Variants in DIP2C observed in about 807,000 individuals in gnomAD.
DIP2C encodes DIP2 acetate--CoA ligase C (putative), also known as disco-interacting protein 2 homolog C.
Under a neutral mutation model 192.4 loss-of-function variants are expected in DIP2C, and 33 were observed. That is an observed-to-expected ratio of 0.17 (90% confidence interval 0.13 to 0.23). The LOEUF is 0.23. Ranked by LOEUF, DIP2C falls within the 10% of genes least tolerant of loss-of-function variation. DIP2C has a pLI of 1.00. For synonymous variants in DIP2C, 979 were observed against 864.1 expected (o/e 1.13, Z -2.33); for missense variants, 1,537 against 2,110.1 (o/e 0.73, Z 5.32).
chr10:584,429 C>A (rs191691231), intron 1 of DIP2C, among the ~76,000 whole-genome samples: 300 of 150,888 alleles, frequency 2.0e-3, no homozygotes, highest in African/African-American at 6.8e-3. Context: ...GGGCCCACAA[C>A]CTGACCCCCA....
rs1954502166 is a variant in DIP2C at position 276,115 on chromosome 10, C to T, written c.*1210G>A. On this transcript the variant is annotated 3_prime_UTR_variant, in exon 37 of 37. Coordinates refer to ENST00000280886, the MANE Select transcript of DIP2C (RefSeq NM_014974.3). Reference sequence around the variant, plus strand: ...TGACATTAACAAAAATGATGAAAAACATTGTGCAATGAATTCTTGCAGCTA... The same window carrying T: ...TGACATTAACAAAAATGATGAAAAATATTGTGCAATGAATTCTTGCAGCTA... 6.6e-6 allele frequency: 1 copy of T among 152,668 alleles called. No homozygotes were observed. The highest frequency in any genetic ancestry group is 2.1e-4 in the South Asian group (1 of 4,828). 9.5% of individuals were successfully genotyped at this position (152,668 alleles called of 1,614,324 possible). A position where few individuals can be genotyped will look rare whatever the true frequency, so the allele number is the denominator to read the frequency against.
chr10:644,719 C>G (rs576621604), intron 1 of DIP2C, among the ~76,000 whole-genome samples: 16 of 152,358 alleles, frequency 1.1e-4, no homozygotes, highest in African/African-American at 3.8e-4. Flanking sequence ...TGGGCTCTGC[C>G]CAATGCCCCC....
intron 16 of DIP2C, among the ~76,000 whole-genome samples, chr10:383,651 T>C (rs916063088): frequency 6.6e-6 from 1 of 152,224 alleles, no homozygotes; most frequent in Non-Finnish European, 1.5e-5. Flanking sequence ...CCTTATTACC[T>C]GCTTAGGGCT....
intron 1 of DIP2C, among the ~76,000 whole-genome samples, chr10:586,263 C>T (rs1851013499): frequency 6.6e-6 from 1 of 152,226 alleles, no homozygotes; most frequent in Non-Finnish European, 1.5e-5. Flanking sequence ...ACGCAGCCAT[C>T]ACAGCCTGAA....
At position 401,245 on chromosome 10, in the gene DIP2C, C is replaced by A. The variant is rs12765666; in HGVS notation, c.1150-2026G>T. On this transcript the variant is annotated intron_variant, in intron 9 of 36. Coordinates refer to ENST00000280886, the MANE Select transcript of DIP2C (RefSeq NM_014974.3). ...ACAAGTTTGGTACATTTTCATCAGC[C>A]CATGAATCCTATGATTTTACATGTG... 1.8e-3 allele frequency among the ~76,000 whole-genome samples: 186 copies of A among 100,796 alleles called. 1 individual carries two copies. Among genetic ancestry groups the A allele is most frequent in the Middle Eastern group, 6.8e-3 (1 of 148 alleles). 66.1% of individuals were successfully genotyped at this position (100,796 alleles called of 152,430 possible). A position where few individuals can be genotyped will look rare whatever the true frequency, so the allele number is the denominator to read the frequency against.
At chr10:509,470 C>T (rs890590249) in intron 1 of DIP2C, among the ~76,000 whole-genome samples, 2 of 152,202 alleles carry the variant, frequency 1.3e-5, no homozygotes, top group Admixed American at 6.5e-5. Context: ...CAGGTCGGAA[C>T]ATCCCACACC....
chr10:384,732 C>T (rs1465857001), intron 14 of DIP2C, 93 bp from the exon 15 acceptor site: 3 of 1,266,656 alleles, frequency 2.4e-6, no homozygotes, highest in African/African-American at 1.5e-5. Context: ...GCCGCACGGG[C>T]AGGGGGGAGC....
At chr10:545,992 T>A (rs1848267222) in intron 1 of DIP2C, among the ~76,000 whole-genome samples, 1 of 152,194 alleles carries the variant, frequency 6.6e-6, no homozygotes, top group African/African-American at 2.4e-5. Context: ...AGCTTTCTCA[T>A]GAGGCCGGGC....
At chr10:601,508 G>A (rs369200880) in intron 1 of DIP2C, among the ~76,000 whole-genome samples, 7 of 152,306 alleles carry the variant, frequency 4.6e-5, no homozygotes, top group East Asian at 1.9e-4. Flanking sequence ...ACCTGAAGCT[G>A]GGAAACTAAA....
intron 1 of DIP2C, among the ~76,000 whole-genome samples, chr10:597,605 TGA>T (rs1439704149): frequency 6.6e-6 from 1 of 152,196 alleles, no homozygotes; most frequent in Non-Finnish European, 1.5e-5. Flanking sequence ...GCCACAAAAA[TGA>T]GAACAGTAAA....
intron 3 of DIP2C, among the ~76,000 whole-genome samples, chr10:469,804 C>T (rs1970485394): frequency 6.6e-6 from 1 of 152,174 alleles, no homozygotes; most frequent in South Asian, 2.1e-4. Flanking sequence ...AATTCCCGAG[C>T]GTGATGCACA....
intron 1 of DIP2C, among the ~76,000 whole-genome samples, chr10:619,377 G>GTC (rs1450091435): frequency 2.0e-5 from 3 of 152,194 alleles, no homozygotes; most frequent in South Asian, 2.1e-4. Flanking sequence ...GGAAGCGACC[G>GTC]TCTCCTTGCC....
intron 18 of DIP2C, 101 bp downstream of exon 18, chr10:369,393 A>G (rs1564624644): frequency 7.0e-7 from 1 of 1,423,424 alleles, no homozygotes; most frequent in African/African-American, 1.4e-5. Context: ...CTGAGGGCAC[A>G]CCACGGGAAC....
chr10:619,537 G>GCCCA (rs528029497), intron 1 of DIP2C, among the ~76,000 whole-genome samples: 1 of 51,330 alleles, frequency 1.9e-5, no homozygotes, highest in African/African-American at 5.2e-5. Flanking sequence ...AAGCCCGCCC[G>GCCCA]CCCGCCCTCC....
At chr10:688,842 G>A (rs552117481) in intron 1 of DIP2C, among the ~76,000 whole-genome samples, 1 of 152,344 alleles carries the variant, frequency 6.6e-6, no homozygotes, top group Admixed American at 6.5e-5. Flanking sequence ...CCCGGGGGGA[G>A]GTTGACGATT....
intron 1 of DIP2C, among the ~76,000 whole-genome samples, chr10:575,142 C>T (rs1012597677): frequency 6.6e-6 from 1 of 152,130 alleles, no homozygotes; most frequent in Admixed American, 6.5e-5. Context: ...TTTACCTTCG[C>T]CAAAAACAGC....
At chr10:648,119 G>C (rs531526338) in intron 1 of DIP2C, among the ~76,000 whole-genome samples, 1 of 147,928 alleles carries the variant, frequency 6.8e-6, no homozygotes, top group African/African-American at 2.5e-5. Context: ...CACATTGGAC[G>C]GTGGGCGAGA....
chr10:509,090 C>A (rs894993622), intron 1 of DIP2C, among the ~76,000 whole-genome samples: 3 of 152,168 alleles, frequency 2.0e-5, no homozygotes, highest in Non-Finnish European at 4.4e-5. Flanking sequence ...ACGAGCAGGC[C>A]CAAGATATCT....
intron 1 of DIP2C, among the ~76,000 whole-genome samples, chr10:518,318 G>C (rs984249367): frequency 6.6e-6 from 1 of 152,260 alleles, no homozygotes; most frequent in Non-Finnish European, 1.5e-5. Flanking sequence ...ACAACTGCCA[G>C]GAAAGCAGCT....
Sources: allele counts gnomAD v4.1 joint callset (sites outside exome capture counted in the v4.1 genomes callset), GRCh38; gene constraint gnomAD v4.1.1; transcripts MANE v1.5; gene names NCBI Gene and HGNC (gene_info 2026-07-23, HGNC 2026-07-21).